Variants in BCAS3 observed in about 807,000 individuals in gnomAD.
BCAS3 encodes BCAS4/BCAS3 fusion.
A neutral mutation model predicts 116.1 loss-of-function variants in BCAS3; 53 were observed. The observed-to-expected ratio is 0.46, with a 90% confidence interval of 0.37 to 0.57. The LOEUF is 0.57. BCAS3 is among the 20% of genes least tolerant of loss of function. BCAS3 has a pLI of 0.00. For synonymous variants in BCAS3, 391 were observed against 408.2 expected (o/e 0.96, Z 0.51); for missense variants, 917 against 1,165.4 (o/e 0.79, Z 3.10).
chr17:60,948,147 C>T (rs180769419), intron 14 of BCAS3, among the ~76,000 whole-genome samples: 39 of 151,852 alleles, frequency 2.6e-4, no homozygotes, highest in Non-Finnish European at 5.4e-4. Context: ...CTCTGTTGCC[C>T]AGGCTAGAGT....
chr17:61,096,796 T>A (rs1296237923), intron 22 of BCAS3, among the ~76,000 whole-genome samples: 8 of 152,342 alleles, frequency 5.3e-5, no homozygotes, highest in African/African-American at 1.4e-4. Flanking sequence ...GAGGAAGGGT[T>A]TATTATTTCA....
chr17:60,802,698 A>G (rs760697083), intron 6 of BCAS3, among the ~76,000 whole-genome samples: 15 of 151,998 alleles, frequency 9.9e-5, no homozygotes, highest in Non-Finnish European at 1.9e-4. Flanking sequence ...CCGGAGTGCA[A>G]TGGTGCCGTC....
At chr17:60,728,042 C>T (rs2040080393) in intron 5 of BCAS3, among the ~76,000 whole-genome samples, 1 of 152,066 alleles carries the variant, frequency 6.6e-6, no homozygotes, top group Admixed American at 6.6e-5. Context: ...CTCCTGACCT[C>T]AAGTGATCTG....
chr17:60,938,492 A>T (rs976110847), intron 13 of BCAS3, among the ~76,000 whole-genome samples: 1 of 152,212 alleles, frequency 6.6e-6, no homozygotes, highest in African/African-American at 2.4e-5. Context: ...CTAACATCAT[A>T]CATAAAATTA....
chr17:60,740,261 G>A (rs2041402375), intron 5 of BCAS3, among the ~76,000 whole-genome samples: 1 of 151,988 alleles, frequency 6.6e-6, no homozygotes, highest in Non-Finnish European at 1.5e-5. Flanking sequence ...TTGGGAGAGT[G>A]AGGCGGGTGG....
At chr17:61,108,938 G>A (rs1028092270) in intron 22 of BCAS3, among the ~76,000 whole-genome samples, 1 of 151,894 alleles carries the variant, frequency 6.6e-6, no homozygotes, top group African/African-American at 2.4e-5. Flanking sequence ...CTGTAATCCC[G>A]GCACTTTAGG....
intron 6 of BCAS3, among the ~76,000 whole-genome samples, chr17:60,793,328 C>G (rs749387326): frequency 2.6e-5 from 4 of 152,070 alleles, no homozygotes; most frequent in African/African-American, 9.7e-5. Context: ...AACTTCTGAC[C>G]TCTTGGTCCA....
chr17:61,194,092 G>A (rs1165900855), intron 22 of BCAS3, among the ~76,000 whole-genome samples: 6 of 152,134 alleles, frequency 3.9e-5, no homozygotes, highest in Non-Finnish European at 5.9e-5. Flanking sequence ...ACTCCAGCCT[G>A]GGTGACAGAG....
chr17:61,175,416 A>C (rs555176913), intron 22 of BCAS3, among the ~76,000 whole-genome samples: 20 of 152,010 alleles, frequency 1.3e-4, no homozygotes, highest in African/African-American at 4.3e-4. Context: ...TTGGGTTTAC[A>C]TGTGTTTTGG....
intron 19 of BCAS3, among the ~76,000 whole-genome samples, chr17:61,043,713 G>A (rs1340804613): frequency 2.6e-5 from 4 of 151,918 alleles, no homozygotes; most frequent in Admixed American, 6.6e-5. Flanking sequence ...GTCTAGGATC[G>A]GGTCCTGCCT....
At chr17:60,905,130 C>T (rs2058120813) in intron 11 of BCAS3, among the ~76,000 whole-genome samples, 1 of 152,112 alleles carries the variant, frequency 6.6e-6, no homozygotes, top group Non-Finnish European at 1.5e-5. Context: ...TATATTGTGT[C>T]ACAGTCCATT....
intron 7 of BCAS3, chr17:60,811,567 T>A: frequency 2.9e-6 from 1 of 339,936 alleles, no homozygotes; most frequent in Non-Finnish European, 5.7e-6. Flanking sequence ...TCTCCAGATG[T>A]TAAATTTTAC....
In BCAS3 at chr17:61,153,754, G is replaced by A. The variant is rs564572765; in HGVS notation, c.2425+69190G>A. Among the ~76,000 whole-genome samples the A allele has an allele frequency of 1.1e-4, 17 of 151,844 alleles. 1 individual carries two copies. The highest frequency in any genetic ancestry group is 8.8e-5 in the Non-Finnish European group (6 of 67,974). On this transcript the variant is annotated intron_variant, in intron 22 of 23. Transcript: ENST00000407086. ...TTTTTCGTTTGTTTGGCTAAACTTT[G>A]CTGTTTACCTCATTATCAACTTTTA... is the stretch of plus-strand genomic sequence containing the variant.
Position 61,020,635 on chromosome 17 carries a change from C to T in BCAS3, c.1637+4734C>T, listed in dbSNP as rs2065809223. Among the ~76,000 whole-genome samples, 1 of 152,146 alleles carries T rather than the reference C, an allele frequency of 6.6e-6. No homozygotes were observed. The highest frequency in any genetic ancestry group is 6.5e-5 in the Admixed American group (1 of 15,278). On this transcript the variant is annotated intron_variant, in intron 16 of 23. Transcript: ENST00000407086. The surrounding 1 kb of genome is among the most constrained non-coding windows in gnomAD (Gnocchi z 4.5). ...AGTGGAATTAGGTGCTAAGAGGTTG[C>T]ACCATATCTTGGATGTTAGGTTTGT...
intron 22 of BCAS3, among the ~76,000 whole-genome samples, chr17:61,138,355 C>T (rs566749577): frequency 8.5e-5 from 13 of 152,274 alleles, no homozygotes; most frequent in South Asian, 8.3e-4. Flanking sequence ...GTGCCAGAGA[C>T]GGCAGATTTG....
rs543387042 is a variant in BCAS3, at chr17:61,053,009, G to A, written c.2029+12117G>A. Among the ~76,000 whole-genome samples, 8 of 152,128 alleles carry A rather than the reference G, an allele frequency of 5.3e-5. No individual in the cohort carries two copies. In the East Asian group the frequency reaches 1.4e-3, roughly 26 times the overall value. On this transcript the variant is annotated intron_variant, in intron 19 of 23. Transcript: ENST00000407086. ...TGGGATTTCAGGAGTGAGCCACCAC[G>A]CCTGGCCTGTGGTGAGTTTCTTCTG...
chr17:61,238,203 C>T (rs1296109408), intron 22 of BCAS3, among the ~76,000 whole-genome samples: 1 of 148,476 alleles, frequency 6.7e-6, no homozygotes, highest in Non-Finnish European at 1.5e-5. Context: ...CAGGCACCCG[C>T]CACCACACCT....
intron 14 of BCAS3, among the ~76,000 whole-genome samples, chr17:60,972,512 A>C (rs1038817212): frequency 2.1e-5 from 3 of 145,118 alleles, no homozygotes; most frequent in African/African-American, 7.9e-5. Context: ...GTAGTAGTGC[A>C]ATCATTGCTC....
intron 22 of BCAS3, among the ~76,000 whole-genome samples, chr17:61,314,979 A>G (rs1406368274): frequency 6.6e-6 from 1 of 152,076 alleles, no homozygotes; most frequent in Non-Finnish European, 1.5e-5. Flanking sequence ...CTTAGCAGTC[A>G]CCGCGCTTGT....
Sources: gnomAD v4.1 joint callset for allele counts (sites outside exome capture counted in the v4.1 genomes callset) on GRCh38, gnomAD v4.1.1 for gene constraint, Gnocchi (gnomAD v3.1) non-coding constraint, MANE v1.5 for transcripts, NCBI Gene and HGNC (gene_info 2026-07-23, HGNC 2026-07-21) for gene names.